Variants in DNAH6 observed in about 807,000 individuals in gnomAD.
DNAH6 encodes the protein axonemal beta dynein heavy chain 6.
Under a neutral mutation model 491.4 loss-of-function variants are expected in DNAH6, and 340 were observed. The ratio of observed to expected loss-of-function variants is 0.69; its 90% CI spans 0.63 to 0.76. DNAH6 has a LOEUF of 0.76. Ranked by LOEUF, DNAH6 falls within the 30% of genes least tolerant of loss-of-function variation. The probability of loss-of-function intolerance (pLI) is 0.00; values close to 1 mark genes in which losing one functional copy is unlikely to be tolerated. For missense variants in DNAH6, 4,443 were observed against 4,972.2 expected, an observed-to-expected ratio of 0.89 and a Z score of 3.20; for synonymous variants, 1,603 against 1,686.1, an observed-to-expected ratio of 0.95 and a Z score of 1.21.
At chr2:84,541,442 G>A (rs866573319) in intron 4 of DNAH6, among the ~76,000 whole-genome samples, 2 of 152,140 alleles carry the variant, frequency 1.3e-5, no homozygotes, top group South Asian at 4.1e-4. Flanking sequence ...AAACAAAACC[G>A]TTTTTCTGGA....
chr2:84,494,686 A>G, the DNAH6 span, among the ~76,000 whole-genome samples: 2 of 152,226 alleles, frequency 1.3e-5, no homozygotes, highest in South Asian at 2.1e-4. Flanking sequence ...AATTAGAACT[A>G]TCTAACAGAG....
At chr2:84,743,384 G>A (rs1258481503) in intron 62 of DNAH6, among the ~76,000 whole-genome samples, 1 of 152,132 alleles carries the variant, frequency 6.6e-6, no homozygotes, top group Non-Finnish European at 1.5e-5. Flanking sequence ...ATAGGTGGCT[G>A]GTATTCTAAA....
At chr2:84,596,675 A>C (rs1390647234) in intron 18 of DNAH6, among the ~76,000 whole-genome samples, 1 of 50,674 alleles carries the variant, frequency 2.0e-5, no homozygotes, top group Non-Finnish European at 5.4e-5. Context: ...AACTAAAAAA[A>C]AAACAAATGT....
chr2:84,605,351 T>C (rs987048587), intron 19 of DNAH6, 149 bp from the exon 20 acceptor site: 5 of 407,338 alleles, frequency 1.2e-5, no homozygotes, highest in African/African-American at 8.3e-5. Context: ...AGACTCTATC[T>C]CAAAAAAAAA....
intron 63 of DNAH6, 118 bp downstream of exon 63, chr2:84,745,367 CA>C (rs958267711): frequency 6.3e-6 from 5 of 799,548 alleles, no homozygotes; most frequent in African/African-American, 1.8e-5. Context: ...GGAGATGACT[CA>C]AAAAAATGAA....
chr2:84,664,652 G>A (rs903689571), intron 37 of DNAH6, among the ~76,000 whole-genome samples: 1 of 152,160 alleles, frequency 6.6e-6, no homozygotes, highest in Non-Finnish European at 1.5e-5. Context: ...AATAATGGGA[G>A]ATTTTAACAC....
At position 84,815,987 on chromosome 2, in the gene DNAH6, C is replaced by T. The variant is rs780036939; in HGVS notation, c.12277C>T (p.His4093Tyr). The stretch of plus-strand genomic sequence containing the variant: ...GATGAATCCAGTGCTGCCTGTGGTG[C>T]ATTTTGAACCACAACAAAACTATAA... ...GQMNPVLPVV[H>Y]FEPQQNYKPS... Residue 4093 changes from histidine (H) to tyrosine (Y), a missense_variant, in exon 76 of 77, where the codon CAT (histidine) becomes TAT (tyrosine). This residue lies in a region of DNAH6 where 1,463 missense variants were observed against 1,656.6 expected (regional missense o/e 0.88). Coordinates refer to ENST00000389394, the MANE Select transcript of DNAH6 (RefSeq NM_001370.2). 22 of 1,551,876 alleles carry T rather than the reference C, an allele frequency of 1.4e-5. No individual in the cohort carries two copies. Among genetic ancestry groups the T allele is most frequent in the Non-Finnish European group, 1.7e-5 (20 of 1,147,014 alleles).
At chr2:84,598,178 TC>T (rs1684857541) in intron 18 of DNAH6, among the ~76,000 whole-genome samples, 2 of 70,208 alleles carry the variant, frequency 2.8e-5, no homozygotes, top group East Asian at 5.9e-4. Context: ...TTTCTTTCTT[TC>T]TCTCTTTCTT....
rs4240194 is a variant in DNAH6, at chr2:84,607,251, C to T, written c.3294+156C>T. Among the ~76,000 whole-genome samples, 124,774 of 152,024 alleles carry T rather than the reference C, an allele frequency of 0.82. 53,318 individuals carry two copies. The highest frequency in any genetic ancestry group is 0.99 in the East Asian group (5,121 of 5,194). On this transcript the variant is annotated intron_variant, in intron 21 of 76. Coordinates refer to ENST00000389394, the MANE Select transcript of DNAH6 (RefSeq NM_001370.2). The stretch of plus-strand genomic sequence containing the variant: ...GTGTTTAGAATGTAAGGGAAATGCA[C>T]AGGTATTAAGCTCTTCTTTATATAA...
rs1245639155 is a variant in DNAH6 at position 84,525,678 on chromosome 2, A to T, written c.339A>T (p.Lys113Asn). ...IIKRPVSIAKKSFATSSTQFL... is the reference protein window; with the variant it reads ...IIKRPVSIAKNSFATSSTQFL... Reference sequence around the variant, plus strand: ...AACGTCCAGTAAGCATAGCAAAAAAAAGTTTTGCCACATCATCTACTCAGT... The same window carrying T: ...AACGTCCAGTAAGCATAGCAAAAAATAGTTTTGCCACATCATCTACTCAGT... The change falls in exon 3 of 77, where the codon AAA becomes AAT. Residue 113 changes from lysine to asparagine, a missense_variant. Physicochemically the swap from Lys to Asn is moderately conservative, Grantham distance 94. Coordinates refer to ENST00000389394, the MANE Select transcript of DNAH6 (RefSeq NM_001370.2). 6 of 1,550,336 alleles carry T rather than the reference A, an allele frequency of 3.9e-6. No homozygotes were observed. Among genetic ancestry groups the T allele is most frequent in the Non-Finnish European group, 5.2e-6 (6 of 1,146,308 alleles).
intron 30 of DNAH6, 35 bp downstream of exon 30, chr2:84,634,676 A>G: frequency 6.8e-7 from 1 of 1,466,564 alleles, no homozygotes; most frequent in African/African-American, 1.5e-5. Context: ...CAAGGTAGCA[A>G]TCCTTAAATT....
chr2:84,694,228 C>T (rs751707772), intron 45 of DNAH6, 21 bp from the exon 46 acceptor site: 8 of 1,546,792 alleles, frequency 5.2e-6, no homozygotes, highest in Non-Finnish European at 6.1e-6. Flanking sequence ...TGAAATAAAC[C>T]CTCTGCTCTG....
At chr2:84,520,392 A>G (rs1676029676) in intron 2 of DNAH6, among the ~76,000 whole-genome samples, 1 of 152,118 alleles carries the variant, frequency 6.6e-6, no homozygotes, top group East Asian at 1.9e-4. Flanking sequence ...ACCTTCACAC[A>G]GGATGCAGCT....
rs946178313 is a variant in DNAH6, at chr2:84,697,588, A to G, written c.7538A>G (p.Glu2513Gly). The part of the protein sequence containing the change: ...LFTDTQIVVE[E>G]FLEDINNILN... Reference sequence around the variant, plus strand: ...TTTCTTCTACAGATTGTAGTGGAGGAGTTCCTAGAAGATATAAATAACATC... The same window carrying G: ...TTTCTTCTACAGATTGTAGTGGAGGGGTTCCTAGAAGATATAAATAACATC... The change falls in exon 47 of 77, where the codon GAG (glutamate) becomes GGG (glycine). Residue 2513 changes from glutamate to glycine, a missense_variant. Glu to Gly is a moderately conservative substitution (Grantham distance 98). Coordinates refer to ENST00000389394, the MANE Select transcript of DNAH6 (RefSeq NM_001370.2). The G allele has an allele frequency of 9.0e-6, 14 of 1,551,620 alleles. No individual in the cohort carries two copies. Among genetic ancestry groups the G allele is most frequent in the Non-Finnish European group, 1.2e-5 (14 of 1,146,934 alleles).
chr2:84,621,921 C>G (rs1049440262), intron 26 of DNAH6, among the ~76,000 whole-genome samples: 3 of 152,128 alleles, frequency 2.0e-5, no homozygotes, highest in African/African-American at 7.2e-5. Flanking sequence ...ATTACTATTT[C>G]TAGGCTCTAA....
chr2:84,483,952 G>A, the DNAH6 span, among the ~76,000 whole-genome samples: 1 of 152,238 alleles, frequency 6.6e-6, no homozygotes, highest in Non-Finnish European at 1.5e-5. Flanking sequence ...GGTTTCTGGG[G>A]GTGCAGGGGA....
chr2:84,678,192 A>G (rs1230397441), intron 41 of DNAH6, among the ~76,000 whole-genome samples: 1 of 152,220 alleles, frequency 6.6e-6, no homozygotes, highest in Admixed American at 6.5e-5. Flanking sequence ...TTTAGGAGCT[A>G]ATGCCAAAAT....
intron 40 of DNAH6, among the ~76,000 whole-genome samples, chr2:84,675,229 A>G (rs1432264879): frequency 1.3e-5 from 2 of 151,936 alleles, no homozygotes; most frequent in Admixed American, 6.6e-5. Flanking sequence ...CTTGTGTTGC[A>G]TTCCTTCATG....
chr2:84,718,294 T>C lies in DNAH6; in HGVS notation c.9702T>C (p.Thr3234=), dbSNP rs1697745696. ...ACACTGATAAAAACCAGTTGAAAAC[T>C]ATCGAAGAGAAAATCCTGAGAATGC... ...RINTDKNQLK[T]IEEKILRMLF... The change falls in exon 59 of 77, where the codon ACT becomes ACC. Residue 3234 remains threonine, a synonymous_variant. Coordinates refer to ENST00000389394, the MANE Select transcript of DNAH6 (RefSeq NM_001370.2). 2 of 1,551,330 alleles carry C rather than the reference T, an allele frequency of 1.3e-6. No homozygotes were observed. Among genetic ancestry groups the C allele is most frequent in the Non-Finnish European group, 1.7e-6 (2 of 1,146,918 alleles).
Sources: allele counts gnomAD v4.1 joint callset (sites outside exome capture counted in the v4.1 genomes callset), GRCh38; gene constraint gnomAD v4.1.1; regional missense constraint gnomAD v4.1.1; transcripts MANE v1.5; gene names NCBI Gene and HGNC (gene_info 2026-07-23, HGNC 2026-07-21).